Variants in RGS5 observed in about 807,000 individuals in gnomAD.
RGS5 encodes regulator of G protein signaling 5.
RGS5 carries 20 observed loss-of-function variants against 18.9 expected under a neutral mutation model. The ratio of observed to expected loss-of-function variants is 1.06; its 90% CI spans 0.74 to 1.54. The LOEUF is 1.54. Among genes scored for constraint, RGS5 ranks in the 40% most tolerant of loss-of-function variants. The probability of loss-of-function intolerance (pLI) is 0.00; values close to 1 mark genes in which losing one functional copy is unlikely to be tolerated. For missense variants in RGS5, 201 were observed against 211.8 expected, an observed-to-expected ratio of 0.95 and a Z score of 0.32; for synonymous variants, 57 against 76.2, an observed-to-expected ratio of 0.75 and a Z score of 1.31.
chr1:163,173,135 C>G (rs1315208298), intron 1 of RGS5, among the ~76,000 whole-genome samples: 1 of 152,120 alleles, frequency 6.6e-6, no homozygotes, highest in African/African-American at 2.4e-5. Flanking sequence ...TGCTTGGTCT[C>G]GGGCTCTATT....
chr1:163,246,582 AC>A (rs1327634273), intron 2 of RGS5, among the ~76,000 whole-genome samples: 2 of 152,146 alleles, frequency 1.3e-5, no homozygotes, highest in Non-Finnish European at 2.9e-5. Context: ...AAAACAAAAA[AC>A]AAAACAAAAA....
chr1:163,177,867 T>C (rs10917694), intron 1 of RGS5, among the ~76,000 whole-genome samples: 43,964 of 152,166 alleles, frequency 0.29, 7,430 homozygotes, highest in East Asian at 0.65. Context: ...GGAGTTGTGT[T>C]GTGACGTCAA....
intron 2 of RGS5, among the ~76,000 whole-genome samples, chr1:163,223,091 C>T (rs1647264946): frequency 6.6e-6 from 1 of 152,058 alleles, no homozygotes; most frequent in Non-Finnish European, 1.5e-5. Flanking sequence ...GTGATCCTCC[C>T]ACCTCGGTCT....
At chr1:163,173,186 A>G (rs1431477982) in intron 1 of RGS5, among the ~76,000 whole-genome samples, 2 of 152,196 alleles carry the variant, frequency 1.3e-5, no homozygotes, top group Non-Finnish European at 2.9e-5. Context: ...ACATTACATT[A>G]ATGCTCATTA....
chr1:163,152,724 G>GA lies in RGS5; in HGVS notation c.218-9dup, dbSNP rs972668752. The GA allele has an allele frequency of 6.4e-6, 10 of 1,562,322 alleles. No individual in the cohort carries two copies. Among genetic ancestry groups the GA allele is most frequent in the Non-Finnish European group, 8.6e-6 (10 of 1,159,992 alleles). ...TGAAACTGGCAAGTCCATCTGGAAA[G>GA]AAAAAAACAGTCAGCTGGAGAAATT... On this transcript the variant is annotated splice_polypyrimidine_tract_variant and intron_variant, in intron 3 of 4. Transcript: ENST00000313961.
intron 2 of RGS5, among the ~76,000 whole-genome samples, chr1:163,164,762 A>G (rs1215009909): frequency 6.6e-6 from 1 of 152,196 alleles, no homozygotes; most frequent in African/African-American, 2.4e-5. Flanking sequence ...GCTATTGGCA[A>G]TGCTGGCACT....
Position 163,147,085 on chromosome 1 carries a change from T to C in RGS5, c.*257A>G, listed in dbSNP as rs943284259. The C allele has an allele frequency of 3.3e-6, 1 of 305,940 alleles. No individual in the cohort carries two copies. The highest frequency in any genetic ancestry group is 6.0e-6 in the Non-Finnish European group (1 of 167,976). The allele number at this position is 305,940 out of a possible 1,614,324, so 19.0% of individuals were successfully genotyped here. A position where few individuals can be genotyped will look rare whatever the true frequency, so the allele number is the denominator to read the frequency against. On this transcript the variant is annotated 3_prime_UTR_variant, in exon 5 of 5. Coordinates refer to ENST00000313961, the MANE Select transcript of RGS5 (RefSeq NM_003617.4). ...AGGCAGGATTTTTCTGTGATTCTGA[T>C]TGTGTCTGACTACAAGCTGAAGATA...
chr1:163,316,866 T>C (rs951002027), intron 1 of RGS5, among the ~76,000 whole-genome samples: 1 of 152,186 alleles, frequency 6.6e-6, no homozygotes, highest in Non-Finnish European at 1.5e-5. Flanking sequence ...AGACGCATCA[T>C]GTCTCAAAAG....
chr1:163,241,972 T>C lies in RGS5; in HGVS notation c.-281+64261A>G, dbSNP rs565259163. 1.6e-4 allele frequency among the ~76,000 whole-genome samples: 24 copies of C among 152,310 alleles called. No individual in the cohort carries two copies. The East Asian group carries it at 2.5e-3, about 16-fold the overall frequency. ...GCTCAAGATTGAACTAGATTAATTG[T>C]CCGTAGAGTATTAATCTCAAGCACC... On this transcript the variant is annotated intron_variant, in intron 2 of 5. Transcript: ENST00000618415.
intron 2 of RGS5, among the ~76,000 whole-genome samples, chr1:163,262,982 G>C (rs1354877758): frequency 6.6e-6 from 1 of 152,124 alleles, no homozygotes; most frequent in Admixed American, 6.5e-5. Flanking sequence ...TAAACTGATA[G>C]GGCAGCATCT....
chr1:163,178,341 AAAAT>A (rs894983310), intron 1 of RGS5, among the ~76,000 whole-genome samples: 20 of 152,188 alleles, frequency 1.3e-4, no homozygotes, highest in African/African-American at 4.1e-4. Flanking sequence ...TAAAAATTTA[AAAAT>A]AAATAAATAA....
intron 1 of RGS5, among the ~76,000 whole-genome samples, chr1:163,309,955 C>G (rs11809749): frequency 0.26 from 39,485 of 152,092 alleles, 6,155 homozygotes; most frequent in Non-Finnish European, 0.36. Flanking sequence ...CCTTGTAAAT[C>G]TCAATCAGGG....
At position 163,146,131 on chromosome 1, in the gene RGS5, C is replaced by T. The variant is rs985543768; in HGVS notation, c.*1211G>A. 3 of 152,060 alleles carry T rather than the reference C, an allele frequency of 2.0e-5. No homozygotes were observed. Among genetic ancestry groups the T allele is most frequent in the Non-Finnish European group, 1.5e-5 (1 of 68,024 alleles). The allele number at this position is 152,060 out of a possible 1,614,324, so 9.4% of individuals were successfully genotyped here. A position where few individuals can be genotyped will look rare whatever the true frequency, so the allele number is the denominator to read the frequency against. On this transcript the variant is annotated 3_prime_UTR_variant, in exon 5 of 5. Transcript: ENST00000313961. The stretch of plus-strand genomic sequence containing the variant: ...AAAAGTCCTATGGCCTATTATTTAG[C>T]TGTGAATGAGACACGTCAGGAGTAT...
intron 2 of RGS5, among the ~76,000 whole-genome samples, chr1:163,279,557 T>C (rs942123920): frequency 2.6e-5 from 4 of 151,738 alleles, no homozygotes; most frequent in Non-Finnish European, 4.4e-5. Context: ...ACTAAACAAC[T>C]ACATCAAAAA....
At chr1:163,177,553 G>A (rs1658609141) in intron 1 of RGS5, among the ~76,000 whole-genome samples, 1 of 152,122 alleles carries the variant, frequency 6.6e-6, no homozygotes, top group Non-Finnish European at 1.5e-5. Context: ...ACCTGGGGGA[G>A]AAACACACTT....
chr1:163,168,253 C>T lies in RGS5; in HGVS notation c.155+5G>A, dbSNP rs1658142102. 1.2e-6 allele frequency: 2 copies of T among 1,605,504 alleles called. No individual in the cohort carries two copies. Among genetic ancestry groups the T allele is most frequent in the Non-Finnish European group, 1.7e-6 (2 of 1,172,362 alleles). The stretch of plus-strand genomic sequence containing the variant: ...AAATGAGTGGAATCCATATTCATGA[C>T]TCACTTCTGGGTCTTGGCTGGTTTC... On this transcript the variant is annotated splice_donor_5th_base_variant and intron_variant, in intron 2 of 4. Coordinates refer to ENST00000313961, the MANE Select transcript of RGS5 (RefSeq NM_003617.4).
chr1:163,257,791 A>G (rs10799905), intron 2 of RGS5, among the ~76,000 whole-genome samples: 62,851 of 151,950 alleles, frequency 0.41, 13,240 homozygotes, highest in Non-Finnish European at 0.44. Context: ...TCTGTCTCCC[A>G]CCTACTTCTT....
At chr1:163,210,627 G>A (rs1660082711) in intron 1 of RGS5, among the ~76,000 whole-genome samples, 2 of 152,140 alleles carry the variant, frequency 1.3e-5, no homozygotes. Context: ...GAGCACCTCT[G>A]TATTTTCTAT....
At chr1:163,234,846 G>A (rs1647579610) in intron 2 of RGS5, among the ~76,000 whole-genome samples, 1 of 152,192 alleles carries the variant, frequency 6.6e-6, no homozygotes. Flanking sequence ...CCACTCCCAA[G>A]TCTGTCAATT....
Sources: gnomAD v4.1 joint callset for allele counts (sites outside exome capture counted in the v4.1 genomes callset) on GRCh38, gnomAD v4.1.1 for gene constraint, MANE v1.5 for transcripts, NCBI Gene and HGNC (gene_info 2026-07-23, HGNC 2026-07-21) for gene names.